The following SHISA9 variants were observed in gnomAD, a reference collection of about 807,000 sequenced individuals.
The protein encoded by SHISA9 is protein shisa-9.
A neutral mutation model predicts 38.0 loss-of-function variants in SHISA9; 13 were observed. The ratio of observed to expected loss-of-function variants is 0.34; its 90% CI spans 0.22 to 0.54. The LOEUF (loss-of-function observed/expected upper bound fraction) is 0.54. Among genes scored for constraint, SHISA9 ranks in the 20% least tolerant of loss-of-function variants. The pLI is 0.91. For missense variants in SHISA9, 538 were observed against 575.8 expected, an observed-to-expected ratio of 0.93 and a Z score of 0.67; for synonymous variants, 275 against 242.0, an observed-to-expected ratio of 1.14 and a Z score of -1.27.
At chr16:13,091,464 G>A (rs1225156018) in intron 2 of SHISA9, among the ~76,000 whole-genome samples, 1 of 152,100 alleles carries the variant, frequency 6.6e-6, no homozygotes, top group Non-Finnish European at 1.5e-5. Flanking sequence ...ATCTTTTCAT[G>A]TAGTCCCATA....
intron 3 of SHISA9, among the ~76,000 whole-genome samples, chr16:13,204,170 T>TATCTATC (rs1567247364): frequency 8.9e-6 from 1 of 112,844 alleles, no homozygotes; most frequent in African/African-American, 3.5e-5. Flanking sequence ...ATCTATCTAT[T>TATCTATC]TATCTATCAT....
intron 2 of SHISA9, among the ~76,000 whole-genome samples, chr16:12,938,387 G>A (rs563879234): frequency 2.0e-5 from 3 of 152,000 alleles, no homozygotes; most frequent in African/African-American, 4.8e-5. Context: ...CCTTATAATC[G>A]ATCTATCTGT....
intron 2 of SHISA9, among the ~76,000 whole-genome samples, chr16:13,057,743 A>G (rs1280384991): frequency 3.3e-5 from 5 of 152,160 alleles, no homozygotes; most frequent in Non-Finnish European, 7.4e-5. Flanking sequence ...TGCTGCACCT[A>G]TCAACCCATT....
At position 12,960,574 on chromosome 16, in the gene SHISA9, T is replaced by C. The variant is rs562873169; in HGVS notation, c.691+43759T>C. Among the ~76,000 whole-genome samples the C allele has an allele frequency of 2.0e-3, 301 of 152,290 alleles. 4 individuals carry two copies. The highest frequency in any genetic ancestry group is 8.9e-3 in the South Asian group (43 of 4,830). ...AATGTGGTACATATACACCATGGAA[T>C]ACTATGCAGCCATAAAAGGGAATGA... On this transcript the variant is annotated intron_variant, in intron 2 of 4. Transcript: ENST00000558583.
At chr16:13,505,610 C>G in the SHISA9 span, among the ~76,000 whole-genome samples, 2 of 152,254 alleles carry the variant, frequency 1.3e-5, no homozygotes, top group Non-Finnish European at 2.9e-5. Flanking sequence ...GTCTACAATA[C>G]TTCCCCTTTA....
chr16:13,071,540 C>T (rs544906006), intron 2 of SHISA9, among the ~76,000 whole-genome samples: 13 of 151,826 alleles, frequency 8.6e-5, no homozygotes, highest in African/African-American at 2.9e-4. Flanking sequence ...CTTTCTTTCC[C>T]CTCCCTCCAT....
the SHISA9 span, among the ~76,000 whole-genome samples, chr16:13,364,184 T>TG: frequency 7.2e-5 from 11 of 152,258 alleles, no homozygotes; most frequent in Non-Finnish European, 1.5e-4. Context: ...AGATTTACTC[T>TG]GCCTTTTGGA....
At chr16:13,006,200 A>G (rs2072596382) in intron 2 of SHISA9, among the ~76,000 whole-genome samples, 1 of 152,200 alleles carries the variant, frequency 6.6e-6, no homozygotes. Flanking sequence ...TGCCTGCCAG[A>G]TTCTTTACTT....
chr16:13,349,441 G>A, the SHISA9 span, among the ~76,000 whole-genome samples: 1 of 152,216 alleles, frequency 6.6e-6, no homozygotes, highest in African/African-American at 2.4e-5. Flanking sequence ...CCAGCTCTCT[G>A]GAGGTCAAGT....
At chr16:13,391,661 A>G in the SHISA9 span, among the ~76,000 whole-genome samples, 8 of 152,148 alleles carry the variant, frequency 5.3e-5, no homozygotes, top group African/African-American at 1.9e-4. Context: ...CCCTAGATCA[A>G]TTAAAGGGTG....
At chr16:12,965,054 C>CAT (rs975728056) in intron 2 of SHISA9, among the ~76,000 whole-genome samples, 2 of 151,934 alleles carry the variant, frequency 1.3e-5, no homozygotes, top group African/African-American at 4.8e-5. Context: ...CACACACATA[C>CAT]ATATATATAT....
chr16:13,491,445 T>A, the SHISA9 span, among the ~76,000 whole-genome samples: 1 of 151,336 alleles, frequency 6.6e-6, no homozygotes, highest in Admixed American at 6.6e-5. Context: ...CTAACAAGTG[T>A]CAAGTAACCT....
chr16:13,326,408 T>C, the SHISA9 span, among the ~76,000 whole-genome samples: 43 of 152,190 alleles, frequency 2.8e-4, no homozygotes, highest in Non-Finnish European at 3.4e-4. Flanking sequence ...TCCAGTCTCC[T>C]TGCATCACTT....
chr16:13,136,935 G>A (rs2050354820), intron 2 of SHISA9, among the ~76,000 whole-genome samples: 1 of 152,200 alleles, frequency 6.6e-6, no homozygotes, highest in Admixed American at 6.5e-5. Context: ...TAAGGAGTTA[G>A]ATTGAGAAGG....
intron 2 of SHISA9, among the ~76,000 whole-genome samples, chr16:13,150,170 C>G (rs2050486610): frequency 6.6e-6 from 1 of 151,956 alleles, no homozygotes; most frequent in South Asian, 2.1e-4. Flanking sequence ...CCTCTTCACC[C>G]AAATTGGCCT....
At chr16:13,144,875 A>G (rs1386031990) in intron 2 of SHISA9, among the ~76,000 whole-genome samples, 1 of 152,192 alleles carries the variant, frequency 6.6e-6, no homozygotes, top group Non-Finnish European at 1.5e-5. Context: ...CATTATACAA[A>G]GAAAGAAGGG....
At chr16:13,271,041 C>G in the SHISA9 span, among the ~76,000 whole-genome samples, 1 of 152,122 alleles carries the variant, frequency 6.6e-6, no homozygotes, top group East Asian at 1.9e-4. Context: ...GCATACTGAC[C>G]ACTGACCTCA....
chr16:12,989,225 T>G (rs576578756), intron 2 of SHISA9, among the ~76,000 whole-genome samples: 24 of 152,258 alleles, frequency 1.6e-4, no homozygotes, highest in Admixed American at 5.9e-4. Flanking sequence ...TTTTGTTTTT[T>G]GTGTGTTTGA....
At chr16:13,132,696 T>G (rs2050316472) in intron 2 of SHISA9, among the ~76,000 whole-genome samples, 1 of 152,166 alleles carries the variant, frequency 6.6e-6, no homozygotes, top group Non-Finnish European at 1.5e-5. Flanking sequence ...TGACACATGC[T>G]TTCCTGATGA....
Sources: gnomAD v4.1 joint callset for allele counts (sites outside exome capture counted in the v4.1 genomes callset) on GRCh38, gnomAD v4.1.1 for gene constraint, MANE v1.5 for transcripts, NCBI Gene and HGNC (gene_info 2026-07-23, HGNC 2026-07-21) for gene names.